The following PLCB1 variants were observed in gnomAD, a reference collection of about 807,000 sequenced individuals.
PLCB1 encodes 1-phosphatidylinositol 4,5-bisphosphate phosphodiesterase beta-1.
In PLCB1, 46 loss-of-function variants were observed where a neutral mutation model predicts 161.8. The ratio of observed to expected loss-of-function variants is 0.28; its 90% CI spans 0.22 to 0.36. PLCB1 has a LOEUF of 0.36. Among genes scored for constraint, PLCB1 ranks in the 10% least tolerant of loss-of-function variants. The pLI is 1.00. For missense variants in PLCB1, 1,016 were observed against 1,472.5 expected (o/e 0.69, Z 5.07); for synonymous variants, 517 against 503.7 (o/e 1.03, Z -0.35).
At chr20:8,226,198 C>T (rs1335629036) in intron 2 of PLCB1, among the ~76,000 whole-genome samples, 4 of 152,154 alleles carry the variant, frequency 2.6e-5, no homozygotes, top group Non-Finnish European at 5.9e-5. Context: ...GAGCCATAAG[C>T]TTACCTTTCA....
intron 23 of PLCB1, among the ~76,000 whole-genome samples, chr20:8,754,338 G>A (rs573541790): frequency 6.7e-6 from 1 of 150,106 alleles, no homozygotes; most frequent in African/African-American, 2.5e-5. Context: ...AAACTTGTTG[G>A]ATCCAGTTTG....
At chr20:8,390,212 C>T (rs139591713) in intron 3 of PLCB1, among the ~76,000 whole-genome samples, 3 of 152,270 alleles carry the variant, frequency 2.0e-5, no homozygotes, top group Non-Finnish European at 2.9e-5. Flanking sequence ...AAGTCTGAGA[C>T]AAAAGTGCCA....
chr20:8,840,562 C>T lies in PLCB1; in HGVS notation c.3424-41060C>T, dbSNP rs540274852. ...CTGGCTTGAGCAAATGGTCTCAGAA[C>T]AAGCTGTGGATTCCCTCTTTTAAAG... On this transcript the variant is annotated intron_variant, in intron 31 of 31. Coordinates refer to ENST00000338037, the MANE Select transcript of PLCB1 (RefSeq NM_015192.4). Among the ~76,000 whole-genome samples, 8 of 152,282 alleles carry T rather than the reference C, an allele frequency of 5.3e-5. No homozygotes were observed. In the East Asian group the frequency reaches 1.5e-3, roughly 29 times the overall value.
At chr20:8,603,224 C>CT (rs1225393042) in intron 3 of PLCB1, among the ~76,000 whole-genome samples, 2 of 152,110 alleles carry the variant, frequency 1.3e-5, no homozygotes, top group African/African-American at 4.8e-5. Context: ...TTCTCATTGA[C>CT]TTTAACTCTC....
At chr20:8,453,625 A>G (rs1292928506) in intron 3 of PLCB1, among the ~76,000 whole-genome samples, 1 of 152,180 alleles carries the variant, frequency 6.6e-6, no homozygotes, top group Non-Finnish European at 1.5e-5. Context: ...TAATATCAGA[A>G]AGAGTTTGGT....
chr20:8,821,734 T>C (rs113351354), intron 31 of PLCB1, among the ~76,000 whole-genome samples: 13 of 151,962 alleles, frequency 8.6e-5, no homozygotes, highest in African/African-American at 3.1e-4. Flanking sequence ...GTCATTCAGA[T>C]AAAGCCACTA....
rs188731251 is a variant in PLCB1 at position 8,258,915 on chromosome 20, G to A, written c.177+108544G>A. Among the ~76,000 whole-genome samples the A allele has an allele frequency of 2.5e-3, 383 of 152,096 alleles. 1 individual carries two copies. The highest frequency in any genetic ancestry group is 8.6e-3 in the African/African-American group (356 of 41,504). On this transcript the variant is annotated intron_variant, in intron 2 of 31. Coordinates refer to ENST00000338037, the MANE Select transcript of PLCB1 (RefSeq NM_015192.4). ...ATCCATCACCAAAGTCAAGATATAC[G>A]ACAGTTCTGTCACTGGCAACATTTC...
At chr20:8,587,180 ATAT>A (rs751962980) in intron 3 of PLCB1, among the ~76,000 whole-genome samples, 1 of 143,216 alleles carries the variant, frequency 7.0e-6, no homozygotes, top group African/African-American at 2.6e-5. Flanking sequence ...CAATTAAAAA[ATAT>A]ATATATATAT....
chr20:8,319,794 A>C (rs1007454794), intron 2 of PLCB1, among the ~76,000 whole-genome samples: 1 of 149,066 alleles, frequency 6.7e-6, no homozygotes, highest in African/African-American at 2.5e-5. Flanking sequence ...ATGGGAGTGA[A>C]CCAGCATACA....
Position 8,277,227 on chromosome 20 carries a change from T to G in PLCB1, c.178-94155T>G, listed in dbSNP as rs76122862. The stretch of plus-strand genomic sequence containing the variant: ...GCATTTCTCCAATAGTTCAATTCCC[T>G]TTGCACACATGAAAATTATATGTGA... On this transcript the variant is annotated intron_variant, in intron 2 of 31. Transcript: ENST00000338037. Among the ~76,000 whole-genome samples the G allele has an allele frequency of 9.7e-3, 1,468 of 151,816 alleles. 13 individuals carry two copies. The highest frequency in any genetic ancestry group is 0.033 in the African/African-American group (1,367 of 41,380).
chr20:8,232,522 G>A (rs1002419231), intron 2 of PLCB1, among the ~76,000 whole-genome samples: 2 of 152,054 alleles, frequency 1.3e-5, no homozygotes, highest in Admixed American at 6.6e-5. Flanking sequence ...CGTATTTCTC[G>A]AGCCAAGTAG....
intron 4 of PLCB1, chr20:8,628,663 G>A (rs1007286282): frequency 2.8e-5 from 12 of 428,296 alleles, no homozygotes; most frequent in East Asian, 1.8e-4. Flanking sequence ...GGCCGGGCAC[G>A]GTGGCTCATG....
At chr20:8,844,459 T>A (rs1257912394) in intron 31 of PLCB1, among the ~76,000 whole-genome samples, 1 of 152,204 alleles carries the variant, frequency 6.6e-6, no homozygotes, top group East Asian at 1.9e-4. Flanking sequence ...GGCTAATGCC[T>A]GTAATCCTAA....
chr20:8,178,264 C>T (rs1287891895), intron 2 of PLCB1, among the ~76,000 whole-genome samples: 2 of 152,166 alleles, frequency 1.3e-5, no homozygotes, highest in Admixed American at 6.5e-5. Flanking sequence ...TGAGAAATAG[C>T]CAAACTGCTT....
At chr20:8,572,017 G>A (rs1375591858) in intron 3 of PLCB1, among the ~76,000 whole-genome samples, 3 of 151,898 alleles carry the variant, frequency 2.0e-5, no homozygotes, top group East Asian at 3.9e-4. Context: ...ACTATTTAAT[G>A]TCATTCTAAG....
chr20:8,721,248 A>C (rs1279430243), intron 14 of PLCB1, among the ~76,000 whole-genome samples: 1 of 152,200 alleles, frequency 6.6e-6, no homozygotes, highest in Admixed American at 6.6e-5. Flanking sequence ...AACTTTCAGA[A>C]GGCTGGCAGT....
At position 8,272,501 on chromosome 20, in the gene PLCB1, G is replaced by A. The variant is rs866215356; in HGVS notation, c.178-98881G>A. ...CTTTATGGTTGTCTCTGTTTCACTCGTTCAGCATCAGTCCTTGTAAGATGT... is the reference window on the plus strand; with the variant it reads ...CTTTATGGTTGTCTCTGTTTCACTCATTCAGCATCAGTCCTTGTAAGATGT... On this transcript the variant is annotated intron_variant, in intron 2 of 31. Coordinates refer to ENST00000338037, the MANE Select transcript of PLCB1 (RefSeq NM_015192.4). 5.7e-4 allele frequency among the ~76,000 whole-genome samples: 86 copies of A among 152,082 alleles called. 2 individuals carry two copies. Among genetic ancestry groups the A allele is most frequent in the African/African-American group, 1.4e-4 (6 of 41,420 alleles).
intron 27 of PLCB1, among the ~76,000 whole-genome samples, chr20:8,785,856 A>G (rs1983458151): frequency 6.6e-6 from 1 of 152,164 alleles, no homozygotes; most frequent in South Asian, 2.1e-4. Flanking sequence ...AAGTCAGGTG[A>G]ATGATAGAGA....
chr20:8,200,701 A>C (rs547525613), intron 2 of PLCB1, among the ~76,000 whole-genome samples: 3 of 151,794 alleles, frequency 2.0e-5, no homozygotes, highest in Admixed American at 1.3e-4. Context: ...ATCACCACAC[A>C]CTTTTCCAAC....
Sources: allele counts gnomAD v4.1 joint callset (sites outside exome capture counted in the v4.1 genomes callset), GRCh38; gene constraint gnomAD v4.1.1; transcripts MANE v1.5; gene names NCBI Gene and HGNC (gene_info 2026-07-23, HGNC 2026-07-21).